Variants in IRAG1 observed in about 807,000 individuals in gnomAD.
IRAG1 encodes IP3R-associated cGMP kinase substrate.
IRAG1 carries 62 observed loss-of-function variants against 106.2 expected under a neutral mutation model. The observed-to-expected ratio is 0.58, with a 90% CI of 0.48 to 0.72. IRAG1 has a LOEUF of 0.72. IRAG1 is among the 30% of genes least tolerant of loss of function. IRAG1 has a pLI of 0.00. For missense variants in IRAG1, 1,064 were observed against 1,140.7 expected (o/e 0.93, Z 0.97); for synonymous variants, 462 against 443.9 (o/e 1.04, Z -0.51).
chr11:10,587,089 A>G (rs1197504150), intron 18 of IRAG1, among the ~76,000 whole-genome samples: 1 of 152,166 alleles, frequency 6.6e-6, no homozygotes, highest in Non-Finnish European at 1.5e-5. Context: ...GGATCTTGGC[A>G]TCTGTCCCCT....
rs762271320 is a variant in IRAG1 at position 10,604,460 on chromosome 11, T to C, written c.1688A>G (p.Asn563Ser). The change falls in exon 13 of 21, where the codon AAC becomes AGC. Residue 563 changes from asparagine (N) to serine (S), a missense_variant. By Grantham distance (46) the Asn-to-Ser change is conservative. Transcript: ENST00000423302. The stretch of plus-strand genomic sequence containing the variant: ...TTTCTCAGTGTTCTCCTCTGTCAGG[T>C]TGCGTTCCCTTTCAGCCTGGTTAAT... Reference protein sequence around the residue: ...SRINQAERERNLTEENTEKEL... With the variant: ...SRINQAERERSLTEENTEKEL... 11 of 1,613,926 alleles carry C rather than the reference T, an allele frequency of 6.8e-6. No homozygotes were observed. The highest frequency in any genetic ancestry group is 8.5e-6 in the Non-Finnish European group (10 of 1,179,898).
intron 3 of IRAG1, 113 bp from the exon 4 acceptor site, chr11:10,632,174 C>A: frequency 2.8e-6 from 2 of 725,680 alleles, no homozygotes; most frequent in Non-Finnish European, 4.5e-6. Flanking sequence ...TTGTTTCCTT[C>A]TTTCCTTCTT....
At position 10,682,455 on chromosome 11, in the gene IRAG1, C is replaced by T. The variant is rs923853375; in HGVS notation, c.67+11081G>A. Among the ~76,000 whole-genome samples, 6 of 152,230 alleles carry T rather than the reference C, an allele frequency of 3.9e-5. No homozygotes were observed. The South Asian group carries it at 6.2e-4, about 16-fold the overall frequency. On this transcript the variant is annotated intron_variant, in intron 1 of 20. Transcript: ENST00000423302. ...CAGATCCTTGATGTCTATAACCAAC[C>T]GTATCTTTTTTTCCTTTCTGGGACC...
chr11:10,609,809 G>T lies in IRAG1; in HGVS notation c.1490C>A (p.Ser497Ter). ...ELSPAIEEEE[S>*]KSGLDVMPNI... Reference sequence around the variant, plus strand: ...AGGCATGACATCTAAGCCACTCTTTGACTCTTCTTCCTCAATAGCTGGGGA... The same window carrying T: ...AGGCATGACATCTAAGCCACTCTTTTACTCTTCTTCCTCAATAGCTGGGGA... The change falls in exon 11 of 21, where the codon TCA becomes TAA. Residue 497 changes from serine to a stop codon, truncating the protein, a stop_gained. Transcript: ENST00000423302. LOFTEE classifies it high-confidence loss of function. 1 of 1,613,884 alleles carries T rather than the reference G, an allele frequency of 6.2e-7. No homozygotes were observed. Among genetic ancestry groups the T allele is most frequent in the South Asian group, 1.1e-5 (1 of 91,082 alleles).
At chr11:10,624,762 C>T (rs1469029195) in intron 9 of IRAG1, among the ~76,000 whole-genome samples, 1 of 152,146 alleles carries the variant, frequency 6.6e-6, no homozygotes, top group Non-Finnish European at 1.5e-5. Context: ...GGGCTGGGCA[C>T]TCAGGTGCCA....
intron 10 of IRAG1, chr11:10,617,007 C>CA: frequency 1.0e-6 from 1 of 982,882 alleles, no homozygotes; most frequent in Non-Finnish European, 1.2e-6. Flanking sequence ...TCCTAAAAGT[C>CA]AAAGCTGCTA....
intron 14 of IRAG1, among the ~76,000 whole-genome samples, chr11:10,601,283 C>T (rs1468534932): frequency 6.6e-6 from 1 of 152,172 alleles, no homozygotes; most frequent in Non-Finnish European, 1.5e-5. Flanking sequence ...CAGGAGATGA[C>T]AGGCAGAGGA....
chr11:10,681,844 T>G (rs1024313841), intron 1 of IRAG1, among the ~76,000 whole-genome samples: 2 of 152,234 alleles, frequency 1.3e-5, no homozygotes, highest in African/African-American at 4.8e-5. Context: ...ACCAAATACC[T>G]GCTACAAACT....
Position 10,615,258 on chromosome 11 carries a change from C to T in IRAG1, c.1448-5407G>A, listed in dbSNP as rs538529884. ...TACCATCTCACCCCAGTTAGAATGGCGATCATTAAAAAGTCAGGAAACAAC... is the reference window on the plus strand; with the variant it reads ...TACCATCTCACCCCAGTTAGAATGGTGATCATTAAAAAGTCAGGAAACAAC... On this transcript the variant is annotated intron_variant, in intron 10 of 20. Coordinates refer to ENST00000423302, the MANE Select transcript of IRAG1 (RefSeq NM_130385.4). Among the ~76,000 whole-genome samples, 362 of 152,192 alleles carry T rather than the reference C, an allele frequency of 2.4e-3. 3 individuals are homozygous for T. Among genetic ancestry groups the T allele is most frequent in the African/African-American group, 7.8e-3 (325 of 41,514 alleles).
chr11:10,676,428 GTGGT>G (rs1860678720), intron 1 of IRAG1, among the ~76,000 whole-genome samples: 1 of 152,226 alleles, frequency 6.6e-6, no homozygotes, highest in South Asian at 2.1e-4. Context: ...TGGGATGGGG[GTGGT>G]TGACCCCACT....
At chr11:10,591,677 G>A in intron 17 of IRAG1, 65 bp from the exon 18 acceptor site, 3 of 1,412,752 alleles carry the variant, frequency 2.1e-6, no homozygotes, top group Admixed American at 2.0e-5. Flanking sequence ...CAGAGCTGCT[G>A]GATTTCTGAT....
At chr11:10,622,875 G>GGA (rs1855939704) in intron 10 of IRAG1, among the ~76,000 whole-genome samples, 1 of 42,016 alleles carries the variant, frequency 2.4e-5, no homozygotes, top group South Asian at 6.5e-4. Flanking sequence ...TGTAAGCAGT[G>GGA]GACACACACA....
chr11:10,631,490 A>C (rs1307731069), intron 4 of IRAG1, among the ~76,000 whole-genome samples: 4 of 152,084 alleles, frequency 2.6e-5, no homozygotes, highest in Admixed American at 1.3e-4. Context: ...GCAGTCTCTT[A>C]TCATACAGTG....
At chr11:10,667,907 C>G (rs881869) in intron 1 of IRAG1, among the ~76,000 whole-genome samples, 104,675 of 152,150 alleles carry the variant, frequency 0.69, 37,167 homozygotes, top group East Asian at 0.97. Flanking sequence ...GAGAAGCCCT[C>G]GTCCACAGAT....
intron 9 of IRAG1, among the ~76,000 whole-genome samples, chr11:10,625,637 G>A (rs901446110): frequency 6.6e-6 from 1 of 152,122 alleles, no homozygotes; most frequent in Non-Finnish European, 1.5e-5. Flanking sequence ...CACTGACTCC[G>A]GTTGGAGGAG....
chr11:10,626,640 G>A (rs985506594), intron 8 of IRAG1, 57 bp from the exon 9 acceptor site: 1 of 1,522,444 alleles, frequency 6.6e-7, no homozygotes, highest in Non-Finnish European at 8.8e-7. Context: ...GGAAACAGGT[G>A]AGGCCACTTC....
intron 1 of IRAG1, among the ~76,000 whole-genome samples, chr11:10,653,616 C>T (rs1384486593): frequency 1.3e-5 from 2 of 152,150 alleles, no homozygotes; most frequent in African/African-American, 4.8e-5. Flanking sequence ...CTTTGCCACT[C>T]ACTGGCTATG....
At chr11:10,582,120 C>T in intron 18 of IRAG1, 134 bp from the exon 19 acceptor site, 1 of 1,126,532 alleles carries the variant, frequency 8.9e-7, no homozygotes, top group Non-Finnish European at 1.2e-6. Flanking sequence ...CAGATTTTTT[C>T]CCAATCCTTC....
chr11:10,628,519 G>A lies in IRAG1; in HGVS notation c.652+232C>T, dbSNP rs1452801282. Among the ~76,000 whole-genome samples, 3 of 152,270 alleles carry A rather than the reference G, an allele frequency of 2.0e-5. No homozygotes were observed. Among genetic ancestry groups the A allele is most frequent in the African/African-American group, 7.2e-5 (3 of 41,550 alleles). On this transcript the variant is annotated intron_variant, in intron 6 of 20. Coordinates refer to ENST00000423302, the MANE Select transcript of IRAG1 (RefSeq NM_130385.4). This position sits in a 1 kb window ranked among gnomAD's most constrained non-coding sequence, Gnocchi z 4.1. ...CCCACCCAGCCTTCCTGACCCTGGG[G>A]TACACCTGCCTCCCGACACAAGCCC...
Sources: gnomAD v4.1 joint callset for allele counts (sites outside exome capture counted in the v4.1 genomes callset) on GRCh38, gnomAD v4.1.1 for gene constraint, Gnocchi (gnomAD v3.1) non-coding constraint, MANE v1.5 for transcripts, NCBI Gene and HGNC (gene_info 2026-07-23, HGNC 2026-07-21) for gene names.